Variants in CRACDL observed in about 807,000 individuals in gnomAD.
The protein encoded by CRACDL is CRACD like, also known as CRACD-like protein.
In CRACDL, 26 loss-of-function variants were observed where a neutral mutation model predicts 70.6. The observed-to-expected ratio is 0.37, with a 90% CI of 0.27 to 0.51. CRACDL has a LOEUF of 0.51. Ranked by LOEUF, CRACDL falls within the 20% of genes least tolerant of loss-of-function variation. The pLI is 0.94. For synonymous variants in CRACDL, 618 were observed against 615.2 expected (o/e 1.00, Z -0.07); for missense variants, 1,283 against 1,376.9 (o/e 0.93, Z 1.08).
chr2:98,821,375 G>A (rs1266311175), intron 7 of CRACDL, among the ~76,000 whole-genome samples: 2 of 152,254 alleles, frequency 1.3e-5, no homozygotes, highest in East Asian at 1.9e-4. Flanking sequence ...GTAGAACGAC[G>A]TCTCACTATG....
chr2:98,846,276 T>A (rs965824215), intron 2 of CRACDL, among the ~76,000 whole-genome samples: 1 of 152,130 alleles, frequency 6.6e-6, no homozygotes, highest in Non-Finnish European at 1.5e-5. Flanking sequence ...ATACTAAAGA[T>A]CTCCTTCAGA....
rs1206596082 is a variant in CRACDL, at chr2:98,872,012, CT to C, written c.-10-25203del. Among the ~76,000 whole-genome samples the C allele has an allele frequency of 4.6e-5, 7 of 152,330 alleles. No homozygotes were observed. In the East Asian group the frequency reaches 1.2e-3, roughly 25 times the overall value. On this transcript the variant is annotated intron_variant, in intron 1 of 9. Coordinates refer to ENST00000397899, the MANE Select transcript of CRACDL (RefSeq NM_207362.3). ...CCATAAAAAAGAATGAAATCATGTC[CT>C]TTCCAGCAACACAGATGGAGCTGGG...
intron 7 of CRACDL, chr2:98,809,757 T>C (rs1474410283): frequency 1.3e-5 from 2 of 152,220 alleles, no homozygotes; most frequent in African/African-American, 4.8e-5. Context: ...GAGAATCCCA[T>C]TCTCATACAG....
At chr2:98,870,162 C>T (rs534640663) in intron 1 of CRACDL, among the ~76,000 whole-genome samples, 5 of 152,302 alleles carry the variant, frequency 3.3e-5, no homozygotes, top group African/African-American at 1.2e-4. Context: ...CAACTGCAAC[C>T]GGTACAGTCA....
In CRACDL at chr2:98,822,051, G is replaced by T. The variant is rs1340802749; in HGVS notation, c.2222C>A (p.Ala741Asp). Reference sequence around the variant, plus strand: ...CTTCCCCTTTCCTTGGTCGCTGGGGGCCCTGGTGCCTCGAAGGGCGGGGGC... The same window carrying T: ...CTTCCCCTTTCCTTGGTCGCTGGGGTCCCTGGTGCCTCGAAGGGCGGGGGC... ...GTAPALRGTR[A>D]PSDQGKGKAR... The change falls in exon 7 of 10, where the codon GCC (alanine) becomes GAC (aspartate). Residue 741 changes from alanine to aspartate, a missense_variant. Ala to Asp is a moderately radical substitution (Grantham distance 126). This residue lies in a region of CRACDL where 921 missense variants were observed against 881.9 expected (regional missense o/e 1.04). Transcript: ENST00000397899. The surrounding 1 kb of genome is among the most constrained non-coding windows in gnomAD (Gnocchi z 4.9). The T allele has an allele frequency of 6.5e-7, 1 of 1,547,278 alleles. No individual in the cohort carries two copies. Among genetic ancestry groups the T allele is most frequent in the South Asian group, 1.2e-5 (1 of 84,032 alleles).
intron 7 of CRACDL, among the ~76,000 whole-genome samples, chr2:98,803,726 C>A (rs751474344): frequency 1.9e-4 from 29 of 152,206 alleles, no homozygotes; most frequent in Admixed American, 1.8e-3. Flanking sequence ...GCTAAGACTT[C>A]GGATCTAAAG....
chr2:98,879,938 C>T (rs1707597642), intron 1 of CRACDL, among the ~76,000 whole-genome samples: 1 of 152,220 alleles, frequency 6.6e-6, no homozygotes, highest in African/African-American at 2.4e-5. Flanking sequence ...TACAGGTGGC[C>T]CACACCATTT....
rs1707302973 is a variant in CRACDL at position 98,870,536 on chromosome 2, A to G, written c.-10-23726T>C. Among the ~76,000 whole-genome samples the G allele has an allele frequency of 2.0e-5, 3 of 152,034 alleles. No homozygotes were observed. In the South Asian group the frequency reaches 6.2e-4, roughly 31 times the overall value. On this transcript the variant is annotated intron_variant, in intron 1 of 9. Transcript: ENST00000397899. Reference sequence around the variant, plus strand: ...TTGGCCTTCTCCCAGGGAGAGGGCCAATTAGCTGGTGGAGAGTCCCCTGTA... The same window carrying G: ...TTGGCCTTCTCCCAGGGAGAGGGCCGATTAGCTGGTGGAGAGTCCCCTGTA...
At chr2:98,821,189 T>A (rs1324674239) in intron 7 of CRACDL, among the ~76,000 whole-genome samples, 1 of 149,704 alleles carries the variant, frequency 6.7e-6, no homozygotes, top group African/African-American at 2.4e-5. Flanking sequence ...CCTTATTTTA[T>A]CTCTCTCTTT....
At chr2:98,870,935 C>T (rs1001506172) in intron 1 of CRACDL, among the ~76,000 whole-genome samples, 4 of 152,228 alleles carry the variant, frequency 2.6e-5, no homozygotes, top group South Asian at 2.1e-4. Context: ...ACAAAGTCCC[C>T]GAAGGGAGGC....
chr2:98,923,723 GTGTC>G (rs1471597411), intron 1 of CRACDL, among the ~76,000 whole-genome samples: 2 of 152,186 alleles, frequency 1.3e-5, no homozygotes, highest in Non-Finnish European at 2.9e-5. Flanking sequence ...AAAATTCACA[GTGTC>G]TGTCTTTTTG....
intron 2 of CRACDL, among the ~76,000 whole-genome samples, chr2:98,842,868 T>TTGTGTG (rs67398751): frequency 1.4e-3 from 201 of 145,070 alleles, no homozygotes; most frequent in Middle Eastern, 3.5e-3. Context: ...TTGCTATAGT[T>TTGTGTG]TGTGTGTGTG....
chr2:98,916,452 CTG>C (rs1044205804), intron 1 of CRACDL, among the ~76,000 whole-genome samples: 4 of 152,072 alleles, frequency 2.6e-5, no homozygotes, highest in Non-Finnish European at 5.9e-5. Flanking sequence ...ATGTATGAAA[CTG>C]TGCACTTTAA....
chr2:98,906,314 T>C (rs1708414110), intron 1 of CRACDL, among the ~76,000 whole-genome samples: 1 of 150,612 alleles, frequency 6.6e-6, no homozygotes, highest in Admixed American at 6.7e-5. Context: ...CAGGCTGGAG[T>C]GCAGTGGCGC....
In CRACDL at chr2:98,931,680, G is replaced by A. The variant is rs187271252; in HGVS notation, c.-11+4258C>T. 3.9e-5 allele frequency among the ~76,000 whole-genome samples: 6 copies of A among 152,288 alleles called. No homozygotes were observed. The East Asian group carries it at 5.8e-4, about 15-fold the overall frequency. On this transcript the variant is annotated intron_variant, in intron 1 of 9. Coordinates refer to ENST00000397899, the MANE Select transcript of CRACDL (RefSeq NM_207362.3). Reference sequence around the variant, plus strand: ...CCTTTCCATCTGCACTTTTCAAAACGAACTTCCATAATTTCCTTTCACAGA... The same window carrying A: ...CCTTTCCATCTGCACTTTTCAAAACAAACTTCCATAATTTCCTTTCACAGA...
At chr2:98,832,817 A>C (rs1049552111) in intron 4 of CRACDL, 45 bp downstream of exon 4, 116 of 1,609,168 alleles carry the variant, frequency 7.2e-5, no homozygotes, top group Non-Finnish European at 9.7e-5. Context: ...TTCTTGATGG[A>C]TATTTGACTT....
chr2:98,872,234 T>C (rs1040331073), intron 1 of CRACDL, among the ~76,000 whole-genome samples: 10 of 152,206 alleles, frequency 6.6e-5, no homozygotes, highest in African/African-American at 2.4e-4. Flanking sequence ...GGCACATGCC[T>C]GTAATCCCAG....
intron 7 of CRACDL, among the ~76,000 whole-genome samples, chr2:98,818,965 T>C (rs1666036505): frequency 6.6e-6 from 1 of 152,234 alleles, no homozygotes; most frequent in African/African-American, 2.4e-5. Flanking sequence ...AAAATGAATA[T>C]CATTAACCAT....
rs1575348562 is a variant in CRACDL at position 98,822,627 on chromosome 2, G to A, written c.1646C>T (p.Pro549Leu). Reference protein sequence around the residue: ...RPKAERAEAPPAGAERAAPER... With the variant: ...RPKAERAEAPLAGAERAAPER... ...TGGCGCCGCCCTCTCGGCGCCCGCC[G>A]GTGGCGCCTCGGCTCGCTCGGCCTT... The change falls in exon 7 of 10, where the codon CCG becomes CTG. Residue 549 changes from proline to leucine, a missense_variant. This residue lies in a region of CRACDL where 921 missense variants were observed against 881.9 expected (regional missense o/e 1.04). Coordinates refer to ENST00000397899, the MANE Select transcript of CRACDL (RefSeq NM_207362.3). The surrounding 1 kb of genome is among the most constrained non-coding windows in gnomAD (Gnocchi z 4.9). 2 of 1,368,812 alleles carry A rather than the reference G, an allele frequency of 1.5e-6. No homozygotes were observed. Among genetic ancestry groups the A allele is most frequent in the African/African-American group, 1.6e-5 (1 of 64,406 alleles). The allele number at this position is 1,368,812 out of a possible 1,614,324, so 84.8% of individuals were successfully genotyped here.
Sources: gnomAD v4.1 joint callset for allele counts (sites outside exome capture counted in the v4.1 genomes callset) on GRCh38, gnomAD v4.1.1 for gene constraint, gnomAD v4.1.1 regional missense constraint, Gnocchi (gnomAD v3.1) non-coding constraint, MANE v1.5 for transcripts, NCBI Gene and HGNC (gene_info 2026-07-23, HGNC 2026-07-21) for gene names.